The following NRXN3 variants were observed in gnomAD, a reference collection of about 807,000 sequenced individuals.
NRXN3 encodes the protein neurexin 3, also known as neurexin III.
NRXN3 carries 32 observed loss-of-function variants against 137.6 expected under a neutral mutation model. The ratio of observed to expected loss-of-function variants is 0.23; its 90% CI spans 0.18 to 0.31. The LOEUF (loss-of-function observed/expected upper bound fraction) is 0.31, where lower values mean the gene tolerates loss of function less well. Ranked by LOEUF, NRXN3 falls within the 10% of genes least tolerant of loss-of-function variation. The pLI is 1.00. For synonymous variants in NRXN3, 798 were observed against 784.5 expected, an observed-to-expected ratio of 1.02 and a Z score of -0.29; for missense variants, 1,574 against 2,062.5, an observed-to-expected ratio of 0.76 and a Z score of 4.59.
intron 15 of NRXN3, among the ~76,000 whole-genome samples, chr14:79,006,348 A>G (rs1594828955): frequency 1.3e-5 from 2 of 152,086 alleles, no homozygotes; most frequent in African/African-American, 2.4e-5. Flanking sequence ...AAACAAACAA[A>G]CAAACAAAAA....
At chr14:78,613,861 G>A (rs1226290442) in intron 4 of NRXN3, among the ~76,000 whole-genome samples, 2 of 152,070 alleles carry the variant, frequency 1.3e-5, no homozygotes, top group South Asian at 2.1e-4. Flanking sequence ...AGAAAACCAA[G>A]TGCATTCTTA....
At chr14:79,185,475 T>TG in intron 15 of NRXN3, among the ~76,000 whole-genome samples, 1 of 151,694 alleles carries the variant, frequency 6.6e-6, no homozygotes, top group East Asian at 1.9e-4. Context: ...GAATTTTTTT[T>TG]TTTTTTTTTA....
intron 1 of NRXN3, among the ~76,000 whole-genome samples, chr14:78,211,178 G>A (rs1174557260): frequency 1.3e-5 from 2 of 152,230 alleles, no homozygotes; most frequent in Non-Finnish European, 2.9e-5. Context: ...GCACAGAAAA[G>A]TTGTTTGTTC....
At chr14:78,337,876 A>G (rs377620997) in intron 4 of NRXN3, among the ~76,000 whole-genome samples, 1 of 152,118 alleles carries the variant, frequency 6.6e-6, no homozygotes, top group East Asian at 1.9e-4. Context: ...TGAAGTATAT[A>G]GTTGGGTGGA....
chr14:79,292,014 C>T lies in NRXN3; in HGVS notation c.3263-175207C>T, dbSNP rs147624836. Reference sequence around the variant, plus strand: ...AGGCACTATTGTTATCATGAATTTACGGGAACAGAAACTGAGCCCCAGAGG... The same window carrying T: ...AGGCACTATTGTTATCATGAATTTATGGGAACAGAAACTGAGCCCCAGAGG... On this transcript the variant is annotated intron_variant, in intron 15 of 20. Coordinates refer to ENST00000335750, the MANE Select transcript of NRXN3 (RefSeq NM_001330195.2). 2.3e-3 allele frequency among the ~76,000 whole-genome samples: 345 copies of T among 152,190 alleles called. 2 individuals carry two copies. The highest frequency in any genetic ancestry group is 8.1e-3 in the African/African-American group (336 of 41,522).
intron 11 of NRXN3, among the ~76,000 whole-genome samples, chr14:78,959,911 GAC>G (rs1257539321): frequency 2.0e-5 from 3 of 152,046 alleles, no homozygotes; most frequent in Non-Finnish European, 2.9e-5. Context: ...GATCTCTCCT[GAC>G]AGTGAGTTCG....
chr14:78,641,734 T>C (rs2097635309), intron 4 of NRXN3, among the ~76,000 whole-genome samples: 1 of 152,136 alleles, frequency 6.6e-6, no homozygotes, highest in Admixed American at 6.5e-5. Context: ...ATGGGGAAGG[T>C]TGTGAATGGT....
At chr14:78,394,917 C>T (rs1278972764) in intron 4 of NRXN3, among the ~76,000 whole-genome samples, 3 of 151,614 alleles carry the variant, frequency 2.0e-5, no homozygotes, top group African/African-American at 7.3e-5. Context: ...GTAGTGATAT[C>T]CCTTCTTTTA....
chr14:79,410,733 C>A (rs1326673087), intron 15 of NRXN3, among the ~76,000 whole-genome samples: 1 of 152,054 alleles, frequency 6.6e-6, no homozygotes, highest in Non-Finnish European at 1.5e-5. Context: ...GCACACTGTT[C>A]AAGATGCTCA....
intron 4 of NRXN3, among the ~76,000 whole-genome samples, chr14:78,319,674 G>A (rs1166085983): frequency 6.6e-6 from 1 of 152,128 alleles, no homozygotes; most frequent in East Asian, 1.9e-4. Flanking sequence ...CAGTAACCTG[G>A]AGCTGGCACT....
At chr14:79,489,023 T>C (rs543198862) in intron 16 of NRXN3, among the ~76,000 whole-genome samples, 1 of 152,186 alleles carries the variant, frequency 6.6e-6, no homozygotes, top group Non-Finnish European at 1.5e-5. Flanking sequence ...AGGCATGTTA[T>C]GAAAATTAAA....
rs2099061206 is a variant in NRXN3, at chr14:78,857,642, G to A, written c.2275+47298G>A. Among the ~76,000 whole-genome samples the A allele has an allele frequency of 2.0e-5, 3 of 152,150 alleles. No homozygotes were observed. In the South Asian group the frequency reaches 6.2e-4, roughly 32 times the overall value. ...GCTGAAATAATTCAGCTAGTGTAAA[G>A]AGGGAAGGAAAAAATAATTTATATT... is the stretch of plus-strand genomic sequence containing the variant. On this transcript the variant is annotated intron_variant, in intron 10 of 20. Transcript: ENST00000335750.
chr14:79,406,261 ATCCTCTCCCC>A (rs1316800575), intron 15 of NRXN3, among the ~76,000 whole-genome samples: 1 of 65,886 alleles, frequency 1.5e-5, no homozygotes, highest in African/African-American at 6.0e-5. Context: ...CTCCCCTCCC[ATCCTCTCCCC>A]TCCTCTCCCC....
At chr14:78,892,367 A>C (rs2152706302) in intron 10 of NRXN3, among the ~76,000 whole-genome samples, 1 of 152,072 alleles carries the variant, frequency 6.6e-6, no homozygotes, top group Admixed American at 6.6e-5. Context: ...CAAAGAGAAG[A>C]GAGGAAGTCA....
intron 16 of NRXN3, among the ~76,000 whole-genome samples, chr14:79,537,768 T>C (rs922733044): frequency 1.4e-4 from 22 of 152,230 alleles, no homozygotes; most frequent in African/African-American, 4.8e-4. Flanking sequence ...GCATGTGTCT[T>C]TATAGCACCA....
intron 15 of NRXN3, among the ~76,000 whole-genome samples, chr14:79,263,758 T>C (rs1192801627): frequency 6.6e-6 from 1 of 152,158 alleles, no homozygotes; most frequent in African/African-American, 2.4e-5. Flanking sequence ...CCAAAGTAAA[T>C]TGAATATAGT....
chr14:78,548,226 A>T (rs1277670958), intron 4 of NRXN3, among the ~76,000 whole-genome samples: 1 of 148,740 alleles, frequency 6.7e-6, no homozygotes, highest in Non-Finnish European at 1.5e-5. Flanking sequence ...TTAAAAACTT[A>T]CAGAATGAAT....
intron 15 of NRXN3, among the ~76,000 whole-genome samples, chr14:79,147,941 G>T (rs1177190790): frequency 6.6e-6 from 1 of 152,088 alleles, no homozygotes; most frequent in Non-Finnish European, 1.5e-5. Context: ...TAGGTGGATG[G>T]GGAGGTCTTT....
intron 16 of NRXN3, among the ~76,000 whole-genome samples, chr14:79,652,983 G>A (rs895013304): frequency 2.6e-5 from 4 of 151,908 alleles, no homozygotes; most frequent in African/African-American, 4.8e-5. Context: ...GATAGTTGAC[G>A]AAGAAGAGAA....
Sources: gnomAD v4.1 joint callset for allele counts (sites outside exome capture counted in the v4.1 genomes callset) on GRCh38, gnomAD v4.1.1 for gene constraint, MANE v1.5 for transcripts, NCBI Gene and HGNC (gene_info 2026-07-23, HGNC 2026-07-21) for gene names.